SVEP1: variants seen among roughly 807,000 people sequenced by gnomAD.
SVEP1 encodes sushi, von Willebrand factor type A, EGF and pentraxin domain containing 1.
In SVEP1, 164 loss-of-function variants were observed where a neutral mutation model predicts 367.3. That is an observed-to-expected ratio of 0.45 (90% CI 0.39 to 0.51). The LOEUF is 0.51. SVEP1 is among the 20% of genes least tolerant of loss of function. The probability of loss-of-function intolerance (pLI) is 0.00; values close to 1 mark genes in which losing one functional copy is unlikely to be tolerated. For synonymous variants in SVEP1, 1,666 were observed against 1,611.6 expected, an observed-to-expected ratio of 1.03 and a Z score of -0.81; for missense variants, 4,117 against 4,425.3, an observed-to-expected ratio of 0.93 and a Z score of 1.98.
chr9:110,379,513 G>A lies in SVEP1; in HGVS notation c.10242C>T (p.Ile3414=). 1 of 1,613,508 alleles carries A rather than the reference G, an allele frequency of 6.2e-7. No homozygotes were observed. Among genetic ancestry groups the A allele is most frequent in the Non-Finnish European group, 8.5e-7 (1 of 1,179,658 alleles). ...CTACGTGAGCTGGTGGACCACATGA[G>A]ATTTCTACAGGATAACAAAACAACA... The part of the protein sequence containing the change: ...WTQTSAKCEK[I]SCGPPAHVEN... The change falls in exon 44 of 48, where the codon ATC becomes ATT. Residue 3414 remains isoleucine, a synonymous_variant. Coordinates refer to ENST00000374469, the MANE Select transcript of SVEP1 (RefSeq NM_153366.4).
At chr9:110,518,741 G>A (rs1046607377) in intron 3 of SVEP1, among the ~76,000 whole-genome samples, 2 of 151,954 alleles carry the variant, frequency 1.3e-5, no homozygotes, top group Admixed American at 6.6e-5. Context: ...AATCTTCTAC[G>A]TTACTTTTAT....
intron 41 of SVEP1, among the ~76,000 whole-genome samples, chr9:110,388,619 G>C (rs1827563986): frequency 6.6e-6 from 1 of 151,760 alleles, no homozygotes; most frequent in Non-Finnish European, 1.5e-5. Flanking sequence ...AGTATGCTGA[G>C]ATCACAGATC....
intron 26 of SVEP1, 86 bp from the exon 27 acceptor site, chr9:110,443,806 T>C: frequency 1.6e-6 from 2 of 1,250,626 alleles, no homozygotes; most frequent in Non-Finnish European, 1.1e-6. Flanking sequence ...TTTTCTTCTT[T>C]TTCTTTTTTT....
intron 18 of SVEP1, among the ~76,000 whole-genome samples, chr9:110,463,662 A>C (rs1828894586): frequency 6.6e-6 from 1 of 151,544 alleles, no homozygotes; most frequent in Non-Finnish European, 1.5e-5. Flanking sequence ...CTGATGAAAG[A>C]AAGAAAGGCA....
chr9:110,496,670 T>C (rs1400915718), intron 8 of SVEP1, 145 bp downstream of exon 8: 1 of 520,050 alleles, frequency 1.9e-6, no homozygotes, highest in Non-Finnish European at 3.4e-6. Flanking sequence ...CACTTTCATA[T>C]ATACATCTAT....
intron 40 of SVEP1, 75 bp downstream of exon 40, chr9:110,400,779 T>G: frequency 1.4e-6 from 2 of 1,442,862 alleles, no homozygotes; most frequent in Non-Finnish European, 1.8e-6. Flanking sequence ...AAAACAAATT[T>G]GTGCTAATAC....
chr9:110,561,016 C>T (rs1368390946), intron 1 of SVEP1, among the ~76,000 whole-genome samples: 1 of 152,166 alleles, frequency 6.6e-6, no homozygotes. Flanking sequence ...ATCTAAACTT[C>T]TTTACATGTC....
chr9:110,457,482 A>C (rs537831644), intron 20 of SVEP1, 130 bp from the exon 21 acceptor site: 5 of 698,012 alleles, frequency 7.2e-6, no homozygotes, highest in African/African-American at 5.5e-5. Context: ...CACTCAAGCT[A>C]GGTGGCTTGC....
chr9:110,402,750 T>C (rs1249923709), intron 39 of SVEP1, among the ~76,000 whole-genome samples: 5 of 152,168 alleles, frequency 3.3e-5, no homozygotes, highest in African/African-American at 1.2e-4. Context: ...TTAGACAAAG[T>C]TTCCTCTAAA....
chr9:110,416,829 T>C (rs1482485927), intron 36 of SVEP1, among the ~76,000 whole-genome samples: 18 of 152,090 alleles, frequency 1.2e-4, no homozygotes, highest in Admixed American at 1.2e-3. Context: ...CTACTGACAT[T>C]GTGGACCAGA....
chr9:110,489,519 C>T lies in SVEP1; in HGVS notation c.1930+131G>A, dbSNP rs532176940. ...TGAGACTTATTCACTATCATGAGGA[C>T]AGCATGGGAAAGACCCACCTCTATG... is the stretch of plus-strand genomic sequence containing the variant. On this transcript the variant is annotated intron_variant, in intron 9 of 47. Transcript: ENST00000374469. 5.6e-4 allele frequency: 441 copies of T among 788,972 alleles called. 6 individuals are homozygous for T. The South Asian group carries it at 7.4e-3, about 13-fold the overall frequency. 48.9% of individuals were successfully genotyped at this position (788,972 alleles called of 1,614,324 possible).
intron 40 of SVEP1, among the ~76,000 whole-genome samples, chr9:110,390,064 A>C (rs1303926083): frequency 7.0e-4 from 83 of 118,052 alleles, no homozygotes; most frequent in East Asian, 2.3e-3. Flanking sequence ...TATATATATA[A>C]GTATATATAT....
chr9:110,403,849 TAC>T (rs1314768999), intron 39 of SVEP1, among the ~76,000 whole-genome samples: 1 of 122,734 alleles, frequency 8.1e-6, no homozygotes, highest in Non-Finnish European at 1.8e-5. Context: ...CGTGTAATAA[TAC>T]ACTTTTTTTT....
intron 18 of SVEP1, among the ~76,000 whole-genome samples, chr9:110,462,803 AG>A (rs896485252): frequency 6.6e-6 from 1 of 151,976 alleles, no homozygotes; most frequent in Non-Finnish European, 1.5e-5. Context: ...GGAAATGACC[AG>A]GAAAAAAATG....
intron 3 of SVEP1, among the ~76,000 whole-genome samples, chr9:110,541,123 T>C (rs923655484): frequency 2.6e-5 from 4 of 152,170 alleles, no homozygotes; most frequent in African/African-American, 9.6e-5. Flanking sequence ...TGGGATTTCC[T>C]CATCTTCCGA....
intron 22 of SVEP1, among the ~76,000 whole-genome samples, chr9:110,451,905 A>T (rs1828699773): frequency 6.6e-6 from 1 of 152,228 alleles, no homozygotes; most frequent in Non-Finnish European, 1.5e-5. Flanking sequence ...GGGAACAACT[A>T]ATGTTATTCA....
At chr9:110,370,491 T>C (rs753784354) in intron 46 of SVEP1, among the ~76,000 whole-genome samples, 2 of 152,166 alleles carry the variant, frequency 1.3e-5, no homozygotes, top group African/African-American at 2.4e-5. Context: ...GACGTCAACT[T>C]TTATGATAAT....
At chr9:110,460,827 A>G (rs771803960) in intron 18 of SVEP1, among the ~76,000 whole-genome samples, 1 of 151,946 alleles carries the variant, frequency 6.6e-6, no homozygotes, top group Non-Finnish European at 1.5e-5. Flanking sequence ...ACAATTTACC[A>G]TTGTGAGACA....
intron 43 of SVEP1, among the ~76,000 whole-genome samples, chr9:110,384,651 A>T (rs74816347): frequency 2.0e-5 from 3 of 151,376 alleles, no homozygotes; most frequent in African/African-American, 7.3e-5. Flanking sequence ...GATATAATTG[A>T]GACTCTTAAC....
Sources: gnomAD v4.1 joint callset for allele counts (sites outside exome capture counted in the v4.1 genomes callset) on GRCh38, gnomAD v4.1.1 for gene constraint, MANE v1.5 for transcripts, NCBI Gene and HGNC (gene_info 2026-07-23, HGNC 2026-07-21) for gene names.